Variants in KLB observed in about 807,000 individuals in gnomAD.
KLB encodes klotho beta, also known as beta-klotho.
A neutral mutation model predicts 88.4 loss-of-function variants in KLB; 44 were observed. The ratio of observed to expected loss-of-function variants is 0.50; its 90% CI spans 0.39 to 0.64. KLB has a LOEUF of 0.64. KLB is among the 30% of genes least tolerant of loss of function. KLB has a pLI of 0.00. For missense variants in KLB, 1,137 were observed against 1,304.8 expected (o/e 0.87, Z 1.98); for synonymous variants, 548 against 513.4 (o/e 1.07, Z -0.91).
chr4:39,438,144 G>A, intron 3 of KLB, 149 bp downstream of exon 3: 2 of 767,346 alleles, frequency 2.6e-6, no homozygotes, highest in Non-Finnish European at 4.1e-6. Flanking sequence ...GAAAGAGAAG[G>A]GAGAAAAAGA....
Position 39,437,810 on chromosome 4 carries a change from A to G in KLB, c.1420A>G (p.Ile474Val). 1 of 1,614,196 alleles carries G rather than the reference A, an allele frequency of 6.2e-7. No homozygotes were observed. Among genetic ancestry groups the G allele is most frequent in the Non-Finnish European group, 8.5e-7 (1 of 1,180,034 alleles). The stretch of plus-strand genomic sequence containing the variant: ...CTTTGAATGGCAGGATGCTTACACC[A>G]TCCGCCGAGGATTATTTTATGTGGA... ...DGFEWQDAYT[I>V]RRGLFYVDFN... Residue 474 changes from isoleucine to valine, a missense_variant, in exon 3 of 5, where the codon ATC (isoleucine) becomes GTC (valine). Transcript: ENST00000257408.
At chr4:39,423,134 G>A (rs1188240484) in intron 1 of KLB, among the ~76,000 whole-genome samples, 2 of 151,878 alleles carry the variant, frequency 1.3e-5, no homozygotes, top group Non-Finnish European at 2.9e-5. Flanking sequence ...CACAGGGGTG[G>A]TCCCTGAGGG....
chr4:39,409,295 CTTTTT>C (rs59119086), intron 1 of KLB, among the ~76,000 whole-genome samples: 1 of 140,442 alleles, frequency 7.1e-6, no homozygotes. Flanking sequence ...TTTTAATTTT[CTTTTT>C]TTTTTTTTTT....
At chr4:39,415,062 G>C (rs1174169160) in intron 1 of KLB, among the ~76,000 whole-genome samples, 1 of 151,676 alleles carries the variant, frequency 6.6e-6, no homozygotes, top group Admixed American at 6.6e-5. Context: ...ACAGGAATGT[G>C]CCACCACTCA....
At chr4:39,426,169 G>A (rs1050837043) in intron 1 of KLB, among the ~76,000 whole-genome samples, 18 of 150,854 alleles carry the variant, frequency 1.2e-4, no homozygotes, top group African/African-American at 3.9e-4. Context: ...GGAGAATGGC[G>A]TGAACCTGGG....
intron 1 of KLB, among the ~76,000 whole-genome samples, chr4:39,420,417 A>C (rs1182065501): frequency 6.6e-6 from 1 of 152,216 alleles, no homozygotes; most frequent in Non-Finnish European, 1.5e-5. Flanking sequence ...GCTGAACTTT[A>C]CATTTAAGTC....
intron 3 of KLB, among the ~76,000 whole-genome samples, chr4:39,442,972 G>T (rs570625941): frequency 3.3e-4 from 50 of 152,140 alleles, no homozygotes; most frequent in African/African-American, 1.0e-3. Context: ...TCAAACGTTG[G>T]TTGTCATGTA....
At chr4:39,442,885 C>G (rs1253559997) in intron 3 of KLB, among the ~76,000 whole-genome samples, 1 of 152,098 alleles carries the variant, frequency 6.6e-6, no homozygotes, top group Non-Finnish European at 1.5e-5. Flanking sequence ...AAATACAATC[C>G]ATATTCAATT....
chr4:39,434,528 C>G lies in KLB; in HGVS notation c.1144C>G (p.Leu382Val), dbSNP rs1743429150. ...TTTTGGACCCAACAACTTCAAGCCC[C>G]TAAACACCATGGCTAAAATGGGACA... is the stretch of plus-strand genomic sequence containing the variant. ...FSFGPNNFKP[L>V]NTMAKMGQNV... Residue 382 changes from leucine (L) to valine (V), a missense_variant, in exon 2 of 5, where the codon CTA becomes GTA. Leu to Val is a conservative substitution (Grantham distance 32). Transcript: ENST00000257408. 1 of 1,614,076 alleles carries G rather than the reference C, an allele frequency of 6.2e-7. No individual in the cohort carries two copies.
At chr4:39,424,771 G>A (rs1245867257) in intron 1 of KLB, among the ~76,000 whole-genome samples, 1 of 152,040 alleles carries the variant, frequency 6.6e-6, no homozygotes, top group Non-Finnish European at 1.5e-5. Context: ...TGGGACTACA[G>A]GCATGTGCCA....
chr4:39,441,765 C>CATTAA (rs368508734), intron 3 of KLB: 2 of 142,686 alleles, frequency 1.4e-5, no homozygotes, highest in Non-Finnish European at 3.0e-5. Flanking sequence ...CTAGCCCAAA[C>CATTAA]ATAAATAAAT....
intron 4 of KLB, among the ~76,000 whole-genome samples, chr4:39,447,906 A>G (rs1214620374): frequency 1.3e-5 from 2 of 149,412 alleles, no homozygotes; most frequent in African/African-American, 2.6e-5. Context: ...ACAGTGAGTG[A>G]GTGGGTAAAA....
chr4:39,447,062 C>A lies in KLB; in HGVS notation c.2336C>A (p.Thr779Asn), dbSNP rs367746368. 3 of 1,612,840 alleles carry A rather than the reference C, an allele frequency of 1.9e-6. No individual in the cohort carries two copies. The highest frequency in any genetic ancestry group is 1.7e-6 in the Non-Finnish European group (2 of 1,179,954). The change falls in exon 4 of 5, where the codon ACC becomes AAC. Residue 779 changes from threonine (T) to asparagine (N), a missense_variant. Thr to Asn is a moderately conservative substitution (Grantham distance 65). This residue lies in a region of KLB where 426 missense variants were observed against 404.6 expected (regional missense o/e 1.05). Coordinates refer to ENST00000257408, the MANE Select transcript of KLB (RefSeq NM_175737.4). ...IAWFAEPLFKTGDYPAAMREY... is the reference protein window; with the variant it reads ...IAWFAEPLFKNGDYPAAMREY... ...TGGTTCGCCGAGCCGCTCTTCAAGA[C>A]CGGGGACTACCCCGCGGCCATGAGG...
At chr4:39,430,362 C>G (rs186716848) in intron 1 of KLB, among the ~76,000 whole-genome samples, 96 of 141,340 alleles carry the variant, frequency 6.8e-4, no homozygotes, top group African/African-American at 2.3e-3. Flanking sequence ...ACAAAGAATT[C>G]CCTCCTTTGA....
intron 3 of KLB, among the ~76,000 whole-genome samples, chr4:39,438,604 A>G (rs1214375469): frequency 2.0e-5 from 3 of 152,146 alleles, no homozygotes; most frequent in Non-Finnish European, 4.4e-5. Flanking sequence ...TGCTTTCCAC[A>G]TTTTCCATAC....
At chr4:39,447,511 G>T in intron 4 of KLB, 36 bp downstream of exon 4, 1 of 1,480,354 alleles carries the variant, frequency 6.8e-7, no homozygotes, top group Non-Finnish European at 9.0e-7. Flanking sequence ...AGGGCAGAGC[G>T]AGATTCCTGT....
chr4:39,448,511 T>C lies in KLB; in HGVS notation c.2960T>C (p.Val987Ala). 1 of 1,614,196 alleles carries C rather than the reference T, an allele frequency of 6.2e-7. No individual in the cohort carries two copies. Residue 987 changes from valine to alanine, a missense_variant, in exon 5 of 5, where the codon GTC becomes GCC. Val to Ala is a moderately conservative substitution (Grantham distance 64). This residue lies in a region of KLB where 426 missense variants were observed against 404.6 expected (regional missense o/e 1.05). Coordinates refer to ENST00000257408, the MANE Select transcript of KLB (RefSeq NM_175737.4). ...ACCCAAGAAAATACAGAGTGCACTG[T>C]CTGCTTATTCCTTGTGCAGAAGAAA... Reference protein sequence around the residue: ...SQTQENTECTVCLFLVQKKPL... With the variant: ...SQTQENTECTACLFLVQKKPL...
chr4:39,424,637 TTTTTC>T (rs1022911959), intron 1 of KLB, among the ~76,000 whole-genome samples: 2 of 151,410 alleles, frequency 1.3e-5, no homozygotes, highest in African/African-American at 4.9e-5. Context: ...TTTCTTTTTC[TTTTTC>T]TTTTTTTGAG....
At chr4:39,414,653 G>A (rs1051565184) in intron 1 of KLB, among the ~76,000 whole-genome samples, 6 of 151,698 alleles carry the variant, frequency 4.0e-5, no homozygotes, top group South Asian at 2.1e-4. Context: ...GGCACATCAC[G>A]AGGTCAGGAG....
Sources: gnomAD v4.1 joint callset for allele counts (sites outside exome capture counted in the v4.1 genomes callset) on GRCh38, gnomAD v4.1.1 for gene constraint, gnomAD v4.1.1 regional missense constraint, MANE v1.5 for transcripts, NCBI Gene and HGNC (gene_info 2026-07-23, HGNC 2026-07-21) for gene names.